PRKDC: variants seen among roughly 807,000 people sequenced by gnomAD.
The protein encoded by PRKDC is protein kinase, DNA-activated, catalytic subunit.
Under a neutral mutation model 486.9 loss-of-function variants are expected in PRKDC, and 82 were observed. The ratio of observed to expected loss-of-function variants is 0.17; its 90% CI spans 0.14 to 0.20. PRKDC has a LOEUF of 0.20. Ranked by LOEUF, PRKDC falls within the 10% of genes least tolerant of loss-of-function variation. PRKDC has a pLI of 1.00. For missense variants in PRKDC, 4,504 were observed against 5,038.2 expected, an observed-to-expected ratio of 0.89 and a Z score of 3.21; for synonymous variants, 1,895 against 1,837.0, an observed-to-expected ratio of 1.03 and a Z score of -0.81.
At chr8:47,936,782 ATTTTTTT>A (rs869164665) in intron 11 of PRKDC, among the ~76,000 whole-genome samples, 2 of 128,676 alleles carry the variant, frequency 1.6e-5, no homozygotes, top group South Asian at 2.5e-4. Context: ...ACGCCTGGCT[ATTTTTTT>A]TTTTTTTTTG....
chr8:47,840,301 C>T lies in PRKDC; in HGVS notation c.7281-112G>A, dbSNP rs578139701. 1.5e-4 allele frequency: 113 copies of T among 750,138 alleles called. 1 individual carries two copies. The highest frequency in any genetic ancestry group is 7.3e-4 in the South Asian group (35 of 47,728). The allele number at this position is 750,138 out of a possible 1,614,324, so 46.5% of individuals were successfully genotyped here. A position where few individuals can be genotyped will look rare whatever the true frequency, so the allele number is the denominator to read the frequency against. ...TTTCAAAATTAGTTATAATAGATAA[C>T]GCTACACTTATATAAAACTTATATT... On this transcript the variant is annotated intron_variant, in intron 54 of 85. Transcript: ENST00000314191.
intron 25 of PRKDC, among the ~76,000 whole-genome samples, chr8:47,909,824 G>A (rs2089862906): frequency 1.3e-5 from 2 of 152,262 alleles, no homozygotes; most frequent in East Asian, 3.9e-4. Flanking sequence ...TACCAGGATT[G>A]GGAAATTCCA....
chr8:47,904,030 T>C (rs770990408), intron 26 of PRKDC, among the ~76,000 whole-genome samples: 5 of 152,070 alleles, frequency 3.3e-5, no homozygotes, highest in Non-Finnish European at 7.4e-5. Context: ...GCAGGAGACA[T>C]AAACTTATTT....
chr8:47,802,776 C>T (rs1458451269), intron 70 of PRKDC, among the ~76,000 whole-genome samples: 2 of 152,132 alleles, frequency 1.3e-5, no homozygotes, highest in Non-Finnish European at 2.9e-5. Flanking sequence ...CCTCAGCCTC[C>T]CGAGTAGCTG....
intron 56 of PRKDC, among the ~76,000 whole-genome samples, chr8:47,837,919 T>C (rs958182190): frequency 6.6e-6 from 1 of 152,108 alleles, no homozygotes; most frequent in African/African-American, 2.4e-5. Context: ...GTGGATCACC[T>C]GACTTCAGGA....
intron 28 of PRKDC, 143 bp downstream of exon 28, chr8:47,900,230 G>A: frequency 2.1e-6 from 1 of 480,544 alleles, no homozygotes; most frequent in Non-Finnish European, 3.4e-6. Context: ...TTGAGGCACT[G>A]AAGGGGATTC....
At chr8:47,924,348 C>A (rs2090121573) in intron 21 of PRKDC, among the ~76,000 whole-genome samples, 1 of 152,058 alleles carries the variant, frequency 6.6e-6, no homozygotes, top group African/African-American at 2.4e-5. Flanking sequence ...GACTTGAGGT[C>A]AGGAGTTCGA....
At chr8:47,821,987 G>C (rs1425585396) in intron 64 of PRKDC, among the ~76,000 whole-genome samples, 195 bp from the exon 65 acceptor site, 1 of 152,144 alleles carries the variant, frequency 6.6e-6, no homozygotes, top group African/African-American at 2.4e-5. Flanking sequence ...AGTACTAAAT[G>C]AATAGAAAAA....
intron 11 of PRKDC, among the ~76,000 whole-genome samples, chr8:47,938,226 G>A (rs2090386843): frequency 6.6e-6 from 1 of 151,684 alleles, no homozygotes; most frequent in Non-Finnish European, 1.5e-5. Flanking sequence ...GACCAACATG[G>A]AGAAACCCTG....
At chr8:47,819,381 A>G (rs2087529733) in intron 67 of PRKDC, 21 bp downstream of exon 67, 1 of 1,412,434 alleles carries the variant, frequency 7.1e-7, no homozygotes, top group African/African-American at 1.5e-5. Flanking sequence ...ATGAAAAAAA[A>G]AGACCGATGA....
At position 47,893,248 on chromosome 8, in the gene PRKDC, C is replaced by T; in HGVS notation, c.3738G>A (p.Gly1246=). ...ATAGCGTGGCCTGCAGGCTGAATGG[C>T]CCCCGAAGGTACAAGAGGGTGGGCT... ...LAQPTLLYLR[G]PFSLQATLCW... Residue 1246 remains glycine, a synonymous_variant, in exon 31 of 86, where the codon GGG becomes GGA. Transcript: ENST00000314191. The T allele has an allele frequency of 6.2e-7, 1 of 1,612,080 alleles. No individual in the cohort carries two copies. Among genetic ancestry groups the T allele is most frequent in the Non-Finnish European group, 8.5e-7 (1 of 1,178,978 alleles).
intron 40 of PRKDC, among the ~76,000 whole-genome samples, chr8:47,866,891 T>A (rs934082121): frequency 7.2e-5 from 11 of 152,048 alleles, no homozygotes; most frequent in African/African-American, 2.7e-4. Flanking sequence ...CACAACAGCA[T>A]TATTATTATT....
chr8:47,867,610 T>C (rs1437417340), intron 40 of PRKDC, among the ~76,000 whole-genome samples: 3 of 152,070 alleles, frequency 2.0e-5, no homozygotes, highest in African/African-American at 7.2e-5. Context: ...TGTAAAGCCA[T>C]TGAGTAATTA....
chr8:47,783,197 G>A (rs918729651), intron 78 of PRKDC, among the ~76,000 whole-genome samples: 3 of 149,072 alleles, frequency 2.0e-5, no homozygotes, highest in Non-Finnish European at 4.4e-5. Context: ...AGAATCGCCC[G>A]AACCCAGGGT....
intron 70 of PRKDC, 52 bp from the exon 71 acceptor site, chr8:47,801,038 A>T: frequency 1.3e-6 from 2 of 1,501,714 alleles, no homozygotes; most frequent in Admixed American, 3.7e-5. Flanking sequence ...TGTGTGTGGA[A>T]TTAAAAAGAA....
chr8:47,927,215 G>T lies in PRKDC; in HGVS notation c.2398C>A (p.Leu800Met), dbSNP rs1442539156. The change falls in exon 21 of 86, where the codon CTG (leucine) becomes ATG (methionine). Residue 800 changes from leucine (L) to methionine (M), a missense_variant. Physicochemically the swap from Leu to Met is conservative, Grantham distance 15 (BLOSUM62 2). This residue lies in a region of PRKDC where 1,969 missense variants were observed against 2,068.9 expected (regional missense o/e 0.95). Coordinates refer to ENST00000314191, the MANE Select transcript of PRKDC (RefSeq NM_006904.7). ...KDILPCLDGY[L>M]KTSALSDETK... ...TTACCTGACAAGGCTGAAGTCTTCA[G>T]GTATCCATCCAGGCAGGGGAGAATG... is the stretch of plus-strand genomic sequence containing the variant. The T allele has an allele frequency of 6.2e-7, 1 of 1,613,636 alleles. No homozygotes were observed. Among genetic ancestry groups the T allele is most frequent in the Admixed American group, 1.7e-5 (1 of 59,990 alleles).
At chr8:47,891,671 G>A (rs1425165749) in intron 31 of PRKDC, among the ~76,000 whole-genome samples, 6 of 152,020 alleles carry the variant, frequency 3.9e-5, no homozygotes, top group Non-Finnish European at 7.4e-5. Flanking sequence ...AGTGAGCCAA[G>A]ATCGCGCCAC....
intron 11 of PRKDC, among the ~76,000 whole-genome samples, chr8:47,938,223 A>G (rs923084483): frequency 7.2e-5 from 11 of 151,828 alleles, no homozygotes; most frequent in African/African-American, 2.7e-4. Flanking sequence ...CCTGACCAAC[A>G]TGGAGAAACC....
At chr8:47,910,345 CT>C (rs2089874845) in intron 25 of PRKDC, among the ~76,000 whole-genome samples, 1 of 152,180 alleles carries the variant, frequency 6.6e-6, no homozygotes, top group Non-Finnish European at 1.5e-5. Context: ...AATAGTTTTC[CT>C]TAACATCTTA....
Sources: allele counts gnomAD v4.1 joint callset (sites outside exome capture counted in the v4.1 genomes callset), GRCh38; gene constraint gnomAD v4.1.1; regional missense constraint gnomAD v4.1.1; transcripts MANE v1.5; gene names NCBI Gene and HGNC (gene_info 2026-07-23, HGNC 2026-07-21).